The following TM7SF3 variants were observed in gnomAD, a reference collection of about 807,000 sequenced individuals.
TM7SF3 encodes transmembrane 7 superfamily member 3.
In TM7SF3, 60 loss-of-function variants were observed where a neutral mutation model predicts 65.5. The ratio of observed to expected loss-of-function variants is 0.92; its 90% CI spans 0.74 to 1.14. TM7SF3 has a LOEUF of 1.14. Among genes scored for constraint, TM7SF3 ranks in the 50% most tolerant of loss-of-function variants. The pLI, the probability that TM7SF3 is intolerant of heterozygous loss-of-function variation, is 0.00. For synonymous variants in TM7SF3, 264 were observed against 259.6 expected (o/e 1.02, Z -0.16); for missense variants, 623 against 684.8 (o/e 0.91, Z 1.01).
intron 8 of TM7SF3, 124 bp downstream of exon 8, chr12:26,980,442 C>G (rs1939766161): frequency 1.5e-6 from 1 of 651,530 alleles, no homozygotes. Context: ...CTAGATGGAC[C>G]ATTATTTTAC....
At chr12:27,006,955 T>C (rs1440086438) in intron 1 of TM7SF3, among the ~76,000 whole-genome samples, 1 of 152,180 alleles carries the variant, frequency 6.6e-6, no homozygotes, top group Admixed American at 6.5e-5. Context: ...CCAGAAAGCG[T>C]ATGTGTCAGG....
intron 1 of TM7SF3, among the ~76,000 whole-genome samples, chr12:27,007,970 T>G (rs932304492): frequency 1.2e-4 from 19 of 152,218 alleles, no homozygotes; most frequent in African/African-American, 4.3e-4. Flanking sequence ...TGTTCTACTG[T>G]TAATAAACAT....
At chr12:26,974,312 G>T (rs958276938) in intron 11 of TM7SF3, 85 bp from the exon 12 acceptor site, 2 of 1,380,354 alleles carry the variant, frequency 1.4e-6, no homozygotes, top group African/African-American at 1.5e-5. Context: ...GACTAAATCT[G>T]TATATTCCTT....
rs1939775643 is a variant in TM7SF3, at chr12:26,980,664, A to G, written c.956-18T>C. On this transcript the variant is annotated intron_variant, in intron 7 of 11. Transcript: ENST00000343028. ...GAATAATTCTAAGTGGCAAACCACC[A>G]GGAAAGGAAAAAAGCAAAACAACAA... is the stretch of plus-strand genomic sequence containing the variant. 2 of 1,438,168 alleles carry G rather than the reference A, an allele frequency of 1.4e-6. No individual in the cohort carries two copies. The highest frequency in any genetic ancestry group is 2.9e-5 in the African/African-American group (2 of 69,748). The allele number at this position is 1,438,168 out of a possible 1,614,324, so 89.1% of individuals were successfully genotyped here.
rs971380181 is a variant in TM7SF3, at chr12:26,973,020, A to T, written c.*945T>A. Among the ~76,000 whole-genome samples the T allele has an allele frequency of 1.3e-5, 2 of 151,850 alleles. No individual in the cohort carries two copies. The highest frequency in any genetic ancestry group is 4.8e-5 in the African/African-American group (2 of 41,414). ...GGGAACCTACTGAATTGTACACTTA[A>T]ACATGAATAAGAAGGTAAATTTCAT... is the stretch of plus-strand genomic sequence containing the variant. On this transcript the variant is annotated 3_prime_UTR_variant, in exon 12 of 12. Transcript: ENST00000343028.
chr12:26,994,964 TACC>T (rs1940528925), intron 5 of TM7SF3, among the ~76,000 whole-genome samples: 1 of 152,180 alleles, frequency 6.6e-6, no homozygotes, highest in African/African-American at 2.4e-5. Context: ...CACAGAAAAT[TACC>T]ACCTCCTTCC....
chr12:27,014,217 G>C lies in TM7SF3; in HGVS notation c.-49C>G. 3.3e-6 allele frequency: 5 copies of C among 1,529,180 alleles called. No homozygotes were observed. Among genetic ancestry groups the C allele is most frequent in the Non-Finnish European group, 4.4e-6 (5 of 1,133,064 alleles). 94.7% of individuals were successfully genotyped at this position (1,529,180 alleles called of 1,614,324 possible). On this transcript the variant is annotated 5_prime_UTR_variant, in exon 1 of 12. Transcript: ENST00000343028. Reference sequence around the variant, plus strand: ...CACGCCAGGGCTGGGGAGAGGTGCGGGCGTGCGCGCCGGGGCCCCGCAGCC... The same window carrying C: ...CACGCCAGGGCTGGGGAGAGGTGCGCGCGTGCGCGCCGGGGCCCCGCAGCC...
intron 8 of TM7SF3, chr12:26,980,146 C>G: frequency 1.7e-6 from 1 of 603,400 alleles, no homozygotes; most frequent in East Asian, 2.8e-5. Context: ...GGAGCTAAAC[C>G]TCACAGGGCC....
chr12:26,990,512 T>C lies in TM7SF3; in HGVS notation c.806A>G (p.Tyr269Cys), dbSNP rs774266094. 16 of 1,614,140 alleles carry C rather than the reference T, an allele frequency of 9.9e-6. No homozygotes were observed. The highest frequency in any genetic ancestry group is 7.7e-5 in the South Asian group (7 of 91,076). ...GCAAGCGTATGTGTGAGCAGGAATG[T>C]AGGCAGCAGATGTATTTAGAAACGG... is the stretch of plus-strand genomic sequence containing the variant. ...WDPFLNTSAAYIPAHTYACSF... is the reference protein window; with the variant it reads ...WDPFLNTSAACIPAHTYACSF... Residue 269 changes from tyrosine to cysteine, a missense_variant, in exon 6 of 12, where the codon TAC becomes TGC. Transcript: ENST00000343028.
intron 4 of TM7SF3, 111 bp downstream of exon 4, chr12:26,996,631 T>A (rs1940608190): frequency 8.7e-7 from 1 of 1,143,048 alleles, no homozygotes; most frequent in Non-Finnish European, 1.2e-6. Flanking sequence ...CCCCAAAAAT[T>A]AACTCAATTT....
At position 27,009,539 on chromosome 12, in the gene TM7SF3, T is replaced by C. The variant is rs145805677; in HGVS notation, c.91+4539A>G. 3.8e-3 allele frequency among the ~76,000 whole-genome samples: 575 copies of C among 152,158 alleles called. 3 individuals carry two copies. The highest frequency in any genetic ancestry group is 0.013 in the African/African-American group (554 of 41,424). On this transcript the variant is annotated intron_variant, in intron 1 of 11. Transcript: ENST00000343028. ...TAATGTTTCTTGAGGCTATTTTAAATGTACTTTTTCTTTTCTTTAATTTTA... is the reference window on the plus strand; with the variant it reads ...TAATGTTTCTTGAGGCTATTTTAAACGTACTTTTTCTTTTCTTTAATTTTA...
At chr12:26,975,100 A>G (rs1036907410) in intron 11 of TM7SF3, among the ~76,000 whole-genome samples, 8 of 152,208 alleles carry the variant, frequency 5.3e-5, no homozygotes, top group Admixed American at 4.6e-4. Context: ...AGCAAACTGC[A>G]TGCTTCATTA....
At chr12:26,991,239 G>A (rs188293126) in intron 5 of TM7SF3, among the ~76,000 whole-genome samples, 5 of 140,998 alleles carry the variant, frequency 3.5e-5, no homozygotes, top group East Asian at 2.2e-4. Flanking sequence ...TGCAAGCTCC[G>A]CTTCCCGGGT....
intron 6 of TM7SF3, among the ~76,000 whole-genome samples, chr12:26,986,291 C>T (rs1269551508): frequency 6.6e-6 from 1 of 152,188 alleles, no homozygotes; most frequent in African/African-American, 2.4e-5. Context: ...TCATCCTCCA[C>T]CATCCATCCC....
intron 2 of TM7SF3, among the ~76,000 whole-genome samples, chr12:27,000,076 C>T (rs913147412): frequency 3.3e-5 from 5 of 152,180 alleles, no homozygotes; most frequent in African/African-American, 4.8e-5. Context: ...AGAGAAAGGG[C>T]AAGAAACATA....
Position 26,982,879 on chromosome 12 carries a change from T to C in TM7SF3, c.869-20A>G, listed in dbSNP as rs921083234. The stretch of plus-strand genomic sequence containing the variant: ...CTCTTCCTAAAAAATAATGAAAATT[T>C]AGTGGATAATACATCCAATTTGATA... On this transcript the variant is annotated intron_variant, in intron 6 of 11. Transcript: ENST00000343028. 5.3e-6 allele frequency: 8 copies of C among 1,516,166 alleles called. No homozygotes were observed. In the African/African-American group the frequency reaches 8.3e-5, roughly 16 times the overall value. 93.9% of individuals were successfully genotyped at this position (1,516,166 alleles called of 1,614,324 possible).
intron 1 of TM7SF3, among the ~76,000 whole-genome samples, chr12:27,006,134 C>CT (rs1555106803): frequency 7.4e-6 from 1 of 135,348 alleles, no homozygotes; most frequent in Non-Finnish European, 1.6e-5. Flanking sequence ...CCTTCTTTTT[C>CT]TTTTTCTTTT....
intron 10 of TM7SF3, 141 bp from the exon 11 acceptor site, chr12:26,975,799 A>G: frequency 1.2e-6 from 1 of 830,014 alleles, no homozygotes. Context: ...AGCTGAACAG[A>G]AGTTCCCTGG....
intron 6 of TM7SF3, among the ~76,000 whole-genome samples, chr12:26,983,889 A>G (rs1939925697): frequency 6.6e-6 from 1 of 152,172 alleles, no homozygotes; most frequent in African/African-American, 2.4e-5. Context: ...TTCATCACCC[A>G]CCATCATGAG....
Sources: gnomAD v4.1 joint callset for allele counts (sites outside exome capture counted in the v4.1 genomes callset) on GRCh38, gnomAD v4.1.1 for gene constraint, MANE v1.5 for transcripts, NCBI Gene and HGNC (gene_info 2026-07-23, HGNC 2026-07-21) for gene names.